Variants in TXNDC12 observed in about 807,000 individuals in gnomAD.
TXNDC12 encodes the protein thioredoxin domain containing 12.
A neutral mutation model predicts 24.2 loss-of-function variants in TXNDC12; 22 were observed. The ratio of observed to expected loss-of-function variants is 0.91; its 90% CI spans 0.65 to 1.30. The LOEUF (loss-of-function observed/expected upper bound fraction) is 1.30, where lower values mean the gene tolerates loss of function less well. TXNDC12 is among the 50% of genes most tolerant of loss of function. The probability of loss-of-function intolerance (pLI) is 0.00; values close to 1 mark genes in which losing one functional copy is unlikely to be tolerated. For synonymous variants in TXNDC12, 58 were observed against 73.4 expected (o/e 0.79, Z 1.07); for missense variants, 184 against 205.8 (o/e 0.89, Z 0.65).
At chr1:52,022,635 G>GTTT (rs1188645759) in intron 6 of TXNDC12, among the ~76,000 whole-genome samples, 105 of 118,576 alleles carry the variant, frequency 8.9e-4, no homozygotes, top group East Asian at 1.5e-3. Context: ...GGTTTTTTTG[G>GTTT]TTTTTTTTTT....
At position 52,054,979 on chromosome 1, in the gene TXNDC12, A is replaced by G. The variant is rs766613614; in HGVS notation, c.97+21T>C. The G allele has an allele frequency of 6.4e-6, 10 of 1,561,718 alleles. No homozygotes were observed. In the African/African-American group the frequency reaches 1.4e-4, roughly 21 times the overall value. ...CAGTATAGTAAAGATCAGTAAAGAG[A>G]AGATAAGAACGCGGTCTGACCCTTT... On this transcript the variant is annotated intron_variant, in intron 1 of 6. Transcript: ENST00000371626.
chr1:52,029,318 TG>T (rs141103849), intron 2 of TXNDC12, among the ~76,000 whole-genome samples: 2,022 of 152,312 alleles, frequency 0.013, 24 homozygotes, highest in Non-Finnish European at 0.021. Flanking sequence ...CAGTTTTCTG[TG>T]GATGATGGGA....
chr1:52,020,376 C>T lies in TXNDC12; in HGVS notation c.*557G>A. 3.0e-6 allele frequency: 1 copy of T among 329,018 alleles called. No individual in the cohort carries two copies. Among genetic ancestry groups the T allele is most frequent in the East Asian group, 6.6e-5 (1 of 15,174 alleles). The allele number at this position is 329,018 out of a possible 1,614,324, so 20.4% of individuals were successfully genotyped here. A position where few individuals can be genotyped will look rare whatever the true frequency, so the allele number is the denominator to read the frequency against. On this transcript the variant is annotated 3_prime_UTR_variant, in exon 7 of 7. Transcript: ENST00000371626. ...CTCAAGCATGAGAAGAGGAAAGAGG[C>T]TGTAGAAATTTGGGAAGAAGCCCAC...
chr1:52,045,878 A>G (rs1390026419), intron 1 of TXNDC12, among the ~76,000 whole-genome samples: 1 of 152,032 alleles, frequency 6.6e-6, no homozygotes, highest in African/African-American at 2.4e-5. Context: ...GTGATTTTGG[A>G]CTCCTAGCCT....
At chr1:52,022,259 T>C (rs1293787856) in intron 6 of TXNDC12, among the ~76,000 whole-genome samples, 2 of 152,120 alleles carry the variant, frequency 1.3e-5, no homozygotes, top group Admixed American at 6.6e-5. Flanking sequence ...CACAACTCCC[T>C]TTCATAGATG....
chr1:52,044,152 C>T (rs983760289), intron 1 of TXNDC12: 1 of 152,192 alleles, frequency 6.6e-6, no homozygotes, highest in African/African-American at 2.4e-5. Context: ...GGGATATACA[C>T]CTACAAAACA....
intron 1 of TXNDC12, among the ~76,000 whole-genome samples, chr1:52,051,247 T>A (rs181671058): frequency 1.9e-3 from 290 of 152,348 alleles, no homozygotes; most frequent in African/African-American, 6.6e-3. Context: ...TTTGGAACTC[T>A]ATAGAACGTT....
At chr1:52,032,355 T>C (rs1362806548) in intron 2 of TXNDC12, 1 of 1,069,540 alleles carries the variant, frequency 9.3e-7, no homozygotes, top group Non-Finnish European at 1.1e-6. Context: ...TTCTCATCTA[T>C]CCAGTCTGCT....
chr1:52,030,790 G>A (rs917897796), intron 2 of TXNDC12, among the ~76,000 whole-genome samples: 58 of 152,312 alleles, frequency 3.8e-4, no homozygotes, highest in African/African-American at 1.3e-3. Flanking sequence ...TAGGGCCCAT[G>A]ATATGCAAAT....
intron 1 of TXNDC12, among the ~76,000 whole-genome samples, chr1:52,050,512 T>C (rs1474161810): frequency 1.3e-5 from 2 of 152,206 alleles, no homozygotes; most frequent in African/African-American, 4.8e-5. Flanking sequence ...AAAAATTGTT[T>C]TAATGAATGT....
chr1:52,025,572 G>A (rs144235745), intron 4 of TXNDC12, among the ~76,000 whole-genome samples: 2,870 of 152,236 alleles, frequency 0.019, 41 homozygotes, highest in Non-Finnish European at 0.03. Context: ...CTATGAAGAC[G>A]TTTTTACTGT....
At chr1:52,054,266 T>G (rs1441593923) in intron 1 of TXNDC12, among the ~76,000 whole-genome samples, 1 of 151,400 alleles carries the variant, frequency 6.6e-6, no homozygotes, top group Non-Finnish European at 1.5e-5. Context: ...ATTCATCTAC[T>G]TAGAAAAGCA....
chr1:52,037,466 C>A (rs879935201), intron 2 of TXNDC12, among the ~76,000 whole-genome samples: 1 of 152,128 alleles, frequency 6.6e-6, no homozygotes, highest in African/African-American at 2.4e-5. Flanking sequence ...CCGACCTCGG[C>A]CTCCCAAGTG....
intron 1 of TXNDC12, among the ~76,000 whole-genome samples, chr1:52,054,766 TC>T (rs1241295712): frequency 6.6e-6 from 1 of 151,918 alleles, no homozygotes; most frequent in African/African-American, 2.4e-5. Context: ...GGCCATTCCT[TC>T]CCCCCAATCC....
chr1:52,036,983 G>T (rs1245378376), intron 2 of TXNDC12, among the ~76,000 whole-genome samples: 4 of 152,132 alleles, frequency 2.6e-5, no homozygotes, highest in Admixed American at 2.0e-4. Context: ...GGAATTTATT[G>T]TTTCAGGCTT....
At chr1:52,023,595 C>G (rs771481726) in intron 5 of TXNDC12, 21 bp from the exon 6 acceptor site, 1 of 1,579,268 alleles carries the variant, frequency 6.3e-7, no homozygotes, top group South Asian at 1.1e-5. Context: ...CAAAATGACA[C>G]AGAGTTTTGC....
At chr1:52,023,640 C>T (rs1478336688) in intron 5 of TXNDC12, 66 bp from the exon 6 acceptor site, 34 of 1,211,894 alleles carry the variant, frequency 2.8e-5, no homozygotes, top group Non-Finnish European at 4.2e-5. Context: ...CAAACACTAC[C>T]TGGTACATCG....
At chr1:52,035,667 G>A (rs1330760114) in intron 2 of TXNDC12, among the ~76,000 whole-genome samples, 1 of 152,032 alleles carries the variant, frequency 6.6e-6, no homozygotes, top group East Asian at 1.9e-4. Flanking sequence ...AGCCTAGATC[G>A]CACCACTGCA....
upstream of TXNDC12, chr1:52,055,333 G>C (rs777817761): frequency 5.5e-4 from 263 of 478,264 alleles, 1 homozygote; most frequent in Non-Finnish European, 7.8e-4. Flanking sequence ...AGCTGTTCTC[G>C]AGCGCGAGTT....
Sources: gnomAD v4.1 joint callset for allele counts (sites outside exome capture counted in the v4.1 genomes callset) on GRCh38, gnomAD v4.1.1 for gene constraint, MANE v1.5 for transcripts, NCBI Gene and HGNC (gene_info 2026-07-23, HGNC 2026-07-21) for gene names.